Variants in DMD observed in about 807,000 individuals in gnomAD.
DMD encodes the protein mutant dystrophin.
DMD carries 63 observed loss-of-function variants against 330.1 expected under a neutral mutation model. The ratio of observed to expected loss-of-function variants is 0.19; its 90% CI spans 0.16 to 0.24. The LOEUF (loss-of-function observed/expected upper bound fraction) is 0.24, where lower values mean the gene tolerates loss of function less well. Ranked by LOEUF, DMD falls within the 10% of genes least tolerant of loss-of-function variation. The probability of loss-of-function intolerance (pLI) is 1.00; values close to 1 mark genes in which losing one functional copy is unlikely to be tolerated. For missense variants in DMD, 3,344 were observed against 2,684.1 expected, an observed-to-expected ratio of 1.25 and a Z score of -5.43; for synonymous variants, 1,223 against 959.8, an observed-to-expected ratio of 1.27 and a Z score of -5.07.
chrX:32,883,252 T>G (rs2149214084), intron 2 of DMD, among the ~76,000 whole-genome samples: 1 of 111,963 alleles, frequency 8.9e-6, no homozygotes, highest in South Asian at 3.7e-4. Flanking sequence ...AAGTTTGACC[T>G]CAAAAAAAGA....
intron 1 of DMD, among the ~76,000 whole-genome samples, chrX:33,264,819 G>A (rs535508890): frequency 9.0e-6 from 1 of 110,768 alleles, no homozygotes; most frequent in Non-Finnish European, 1.9e-5. Context: ...AGTCATAGTA[G>A]GTTGTGGGAG....
chrX:32,296,217 C>A (rs1051133183), intron 42 of DMD, among the ~76,000 whole-genome samples: 1 of 109,863 alleles, frequency 9.1e-6, no homozygotes, highest in Admixed American at 9.7e-5. Flanking sequence ...CATGTGAAAC[C>A]CTGTCTCTAC....
intron 1 of DMD, among the ~76,000 whole-genome samples, chrX:33,262,355 T>C (rs2052972076): frequency 9.0e-6 from 1 of 110,648 alleles, no homozygotes; most frequent in African/African-American, 3.3e-5. Context: ...TATACGACAA[T>C]AAGAGTTCCT....
At chrX:32,813,770 T>C (rs777442999) in intron 6 of DMD, among the ~76,000 whole-genome samples, 4 of 111,268 alleles carry the variant, frequency 3.6e-5, no homozygotes, top group Non-Finnish European at 7.5e-5. Context: ...GTGTGATGAT[T>C]TTCTCGTTTT....
At chrX:31,898,447 C>T (rs2094377223) in intron 47 of DMD, among the ~76,000 whole-genome samples, 1 of 110,417 alleles carries the variant, frequency 9.1e-6, no homozygotes, top group Non-Finnish European at 1.9e-5. Flanking sequence ...CAGAACAGAG[C>T]CCTCAGAAGT....
intron 60 of DMD, among the ~76,000 whole-genome samples, chrX:31,366,301 C>A (rs777027557): frequency 2.8e-5 from 3 of 107,811 alleles, no homozygotes; most frequent in Non-Finnish European, 5.7e-5. Flanking sequence ...ACAAACTATG[C>A]GGGCACTGGA....
intron 37 of DMD, among the ~76,000 whole-genome samples, chrX:32,355,085 T>TC (rs910230761): frequency 1.5e-4 from 17 of 111,647 alleles, no homozygotes; most frequent in African/African-American, 5.5e-4. Context: ...TTTCTTCCAT[T>TC]CCCCCTTCCT....
intron 9 of DMD, among the ~76,000 whole-genome samples, chrX:32,685,016 C>G (rs1481585242): frequency 2.7e-5 from 3 of 111,693 alleles, no homozygotes; most frequent in Non-Finnish European, 5.7e-5. Context: ...TAACTATAAT[C>G]ATGCTCTATG....
chrX:32,970,529 G>A (rs2092340430), intron 2 of DMD, among the ~76,000 whole-genome samples: 1 of 93,116 alleles, frequency 1.1e-5, no homozygotes, highest in African/African-American at 4.9e-5. Flanking sequence ...AGCTCCCCAG[G>A]AGGCTGAGGC....
intron 1 of DMD, among the ~76,000 whole-genome samples, chrX:33,273,106 T>C (rs756495979): frequency 1.8e-5 from 2 of 111,556 alleles, no homozygotes; most frequent in Non-Finnish European, 3.8e-5. Flanking sequence ...AATACAGCAA[T>C]AAAGGGTGTC....
rs373821159 is a variant in DMD at position 32,501,741 on chromosome X, A to G, written c.2380+14T>C. 3.4e-6 allele frequency: 4 copies of G among 1,172,392 alleles called. No individual in the cohort carries two copies. The highest frequency in any genetic ancestry group is 4.4e-5 in the Admixed American group (2 of 45,394). On this transcript the variant is annotated intron_variant, in intron 19 of 78. Transcript: ENST00000357033. Reference sequence around the variant, plus strand: ...ATCCCTAAGAAGATTATCTAAATCAACTCGTGTAATTACCATTCACCATCT... The same window carrying G: ...ATCCCTAAGAAGATTATCTAAATCAGCTCGTGTAATTACCATTCACCATCT...
At chrX:32,979,168 T>C (rs1320370651) in intron 2 of DMD, among the ~76,000 whole-genome samples, 5 of 112,332 alleles carry the variant, frequency 4.5e-5, no homozygotes, top group Non-Finnish European at 9.4e-5. Context: ...GCAACAGAAA[T>C]CTTCTCATCT....
At chrX:31,641,501 CAAAA>C (rs1048854739) in intron 54 of DMD, among the ~76,000 whole-genome samples, 3 of 33,605 alleles carry the variant, frequency 8.9e-5, no homozygotes, top group African/African-American at 2.0e-4. Context: ...GACTCCGTCT[CAAAA>C]AAAAAAAAAA....
intron 59 of DMD, among the ~76,000 whole-genome samples, chrX:31,452,925 A>G (rs1045107957): frequency 8.9e-6 from 1 of 112,074 alleles, no homozygotes; most frequent in Non-Finnish European, 1.9e-5. Context: ...GGAGCAATTG[A>G]TATTTTGCAA....
chrX:32,816,757 T>G, intron 5 of DMD, 117 bp from the exon 6 acceptor site: 1 of 638,668 alleles, frequency 1.6e-6, no homozygotes. Context: ...GGCCAATTAG[T>G]AATGAGACAT....
intron 7 of DMD, among the ~76,000 whole-genome samples, chrX:32,772,175 G>C (rs767545199): frequency 4.4e-4 from 50 of 112,404 alleles, no homozygotes; most frequent in African/African-American, 1.5e-3. Flanking sequence ...ATTTCTCCCT[G>C]AGGTCATTTA....
intron 1 of DMD, among the ~76,000 whole-genome samples, chrX:33,314,178 T>C (rs929985608): frequency 9.0e-6 from 1 of 111,268 alleles, no homozygotes; most frequent in East Asian, 2.8e-4. Context: ...ATAATAATTA[T>C]ATTAAACTCT....
chrX:31,556,093 C>A (rs1282206021), intron 55 of DMD, among the ~76,000 whole-genome samples: 1 of 110,347 alleles, frequency 9.1e-6, no homozygotes, highest in Non-Finnish European at 1.9e-5. Flanking sequence ...ATTGGCCGGG[C>A]GCAGTGGCTC....
intron 25 of DMD, among the ~76,000 whole-genome samples, chrX:32,461,151 G>A (rs2098382037): frequency 9.0e-6 from 1 of 111,432 alleles, no homozygotes; most frequent in Non-Finnish European, 1.9e-5. Flanking sequence ...GGCATCTGGT[G>A]ACAAAAAAGG....
Sources: allele counts gnomAD v4.1 joint callset (sites outside exome capture counted in the v4.1 genomes callset), GRCh38; gene constraint gnomAD v4.1.1; transcripts MANE v1.5; gene names NCBI Gene and HGNC (gene_info 2026-07-23, HGNC 2026-07-21).